SPACA6: variants seen among roughly 807,000 people sequenced by gnomAD.
The protein encoded by SPACA6 is sperm acrosome associated 6.
For synonymous variants in SPACA6, 6 were observed against 1.5 expected, an observed-to-expected ratio of 4.05 and a Z score of -2.21; for missense variants, 8 against 2.8, an observed-to-expected ratio of 2.88 and a Z score of -1.34.
chr19:51,705,438 T>C (rs2083511059), downstream of SPACA6: 1 of 252,718 alleles, frequency 4.0e-6, no homozygotes, highest in South Asian at 1.7e-4. Flanking sequence ...CCCCAAGGCT[T>C]TCCTCCTACC....
chr19:51,688,753 C>G (rs1158807343), upstream of SPACA6, among the ~76,000 whole-genome samples: 2 of 151,408 alleles, frequency 1.3e-5, no homozygotes, highest in African/African-American at 4.9e-5. Flanking sequence ...CAGATAATGC[C>G]CCACAGGCAG....
chr19:51,694,076 C>CGG (rs1555792508), intron 1 of SPACA6: 5 of 251,936 alleles, frequency 2.0e-5, no homozygotes, highest in African/African-American at 1.2e-4. Context: ...GATGGACACT[C>CGG]GGGAGGATGG....
intron 2 of SPACA6, among the ~76,000 whole-genome samples, chr19:51,696,226 G>T (rs747716220): frequency 6.6e-6 from 1 of 152,118 alleles, no homozygotes. Context: ...TCTGGAGGCC[G>T]GGAGAAGCTG....
chr19:51,708,581 CTT>C (rs1312412444), downstream of SPACA6, among the ~76,000 whole-genome samples: 1 of 152,112 alleles, frequency 6.6e-6, no homozygotes, highest in African/African-American at 2.4e-5. Flanking sequence ...AATCCCAACA[CTT>C]TGGGAGGCCG....
chr19:51,698,987 C>A lies in SPACA6; in HGVS notation c.293-2671C>A, dbSNP rs141109034. On this transcript the variant is annotated intron_variant, in intron 2 of 8. Coordinates refer to ENST00000637797, the MANE Select transcript of SPACA6 (RefSeq NM_001316972.2). ...CAGGCAGCAGGATGGATGAGGGGAACAATAAGATGGCACCACCTTCTCTGT... is the reference window on the plus strand; with the variant it reads ...CAGGCAGCAGGATGGATGAGGGGAAAAATAAGATGGCACCACCTTCTCTGT... Among the ~76,000 whole-genome samples, 48 of 152,248 alleles carry A rather than the reference C, an allele frequency of 3.2e-4. 1 individual carries two copies. The Middle Eastern group carries it at 0.027, about 86-fold the overall frequency.
downstream of SPACA6, among the ~76,000 whole-genome samples, chr19:51,712,723 A>T (rs1599788479): frequency 6.6e-6 from 1 of 152,146 alleles, no homozygotes; most frequent in South Asian, 2.1e-4. Flanking sequence ...CTCCAGCAGA[A>T]GTTTTCTTTT....
In SPACA6 at chr19:51,701,663, T is replaced by C. The variant is rs1417090337; in HGVS notation, c.298T>C (p.Phe100Leu). The part of the protein sequence containing the change: ...LQELAAAQGS[F>L]EVAFPDAAEK... ...TCCTCCCCTCCACTCTCCAGGATCCTTTGAGGTTGCCTTCCCTGATGCTGC... is the reference window on the plus strand; with the variant it reads ...TCCTCCCCTCCACTCTCCAGGATCCCTTGAGGTTGCCTTCCCTGATGCTGC... The change falls in exon 3 of 9, where the codon TTT (phenylalanine) becomes CTT (leucine). Residue 100 changes from phenylalanine (F) to leucine (L), a missense_variant. Phe to Leu is a conservative substitution (Grantham distance 22, BLOSUM62 0). Coordinates refer to ENST00000637797, the MANE Select transcript of SPACA6 (RefSeq NM_001316972.2). The C allele has an allele frequency of 2.5e-6, 1 of 398,898 alleles. No homozygotes were observed. The highest frequency in any genetic ancestry group is 3.6e-5 in the East Asian group (1 of 28,060). The allele number at this position is 398,898 out of a possible 1,614,324, so 24.7% of individuals were successfully genotyped here.
At chr19:51,704,882 CCCA>C (rs2083504860) in intron 8 of SPACA6, 1 of 384,176 alleles carries the variant, frequency 2.6e-6, no homozygotes, top group African/African-American at 2.1e-5. Flanking sequence ...AGTCCAGGCC[CCCA>C]GCCCCTCCTC....
upstream of SPACA6, among the ~76,000 whole-genome samples, chr19:51,691,044 C>T (rs2083367053): frequency 6.7e-6 from 1 of 149,342 alleles, no homozygotes; most frequent in Non-Finnish European, 1.5e-5. Context: ...CGTCTCCGGC[C>T]CCCGCCTCCC....
At chr19:51,685,657 A>T (rs2083324960), upstream of SPACA6, 1 of 152,168 alleles carries the variant, frequency 6.6e-6, no homozygotes, top group African/African-American at 2.4e-5. Flanking sequence ...GAGAAGAAGC[A>T]TGCATCACCA....
downstream of SPACA6, among the ~76,000 whole-genome samples, chr19:51,707,334 C>G (rs2083520932): frequency 6.6e-6 from 1 of 151,480 alleles, no homozygotes; most frequent in South Asian, 2.1e-4. Flanking sequence ...AATTCTCGTG[C>G]CTCAGTGTCC....
intron 2 of SPACA6, 120 bp from the exon 3 acceptor site, chr19:51,701,538 T>C (rs4239495): frequency 0.34 from 131,389 of 387,908 alleles, 23,081 homozygotes; most frequent in South Asian, 0.47. Context: ...ACCATGACAG[T>C]ACGTCCTGTG....
At chr19:51,713,063 A>G (rs769631508), downstream of SPACA6, 6 of 205,334 alleles carry the variant, frequency 2.9e-5, no homozygotes, top group South Asian at 1.8e-4. This position sits in a 1 kb window ranked among gnomAD's most constrained non-coding sequence, Gnocchi z 4.5. Flanking sequence ...AGCGTCCCCA[A>G]TTCTCAATCA....
At chr19:51,692,552 G>C (rs936608758), upstream of SPACA6, 2 of 489,138 alleles carry the variant, frequency 4.1e-6, no homozygotes, top group African/African-American at 4.1e-5. The surrounding 1 kb of genome is among the most constrained non-coding windows in gnomAD (Gnocchi z 5.6). Context: ...AAGGGGCTGA[G>C]GGCCTGGACT....
chr19:51,691,168 G>A (rs2083368486), upstream of SPACA6, among the ~76,000 whole-genome samples: 1 of 150,100 alleles, frequency 6.7e-6, no homozygotes. Context: ...GACCTGGCTC[G>A]AGCTGCGAGG....
chr19:51,696,685 G>A (rs1227212915), intron 2 of SPACA6, among the ~76,000 whole-genome samples: 2 of 152,136 alleles, frequency 1.3e-5, no homozygotes, highest in Admixed American at 6.5e-5. Context: ...CTGGGCTCAA[G>A]TGATCTTCCC....
chr19:51,698,001 C>G (rs1156257490), intron 2 of SPACA6, among the ~76,000 whole-genome samples: 2 of 152,116 alleles, frequency 1.3e-5, no homozygotes, highest in African/African-American at 4.8e-5. Context: ...TTAGTGACAC[C>G]ATCTCATACA....
intron 2 of SPACA6, among the ~76,000 whole-genome samples, chr19:51,699,511 G>A (rs181236226): frequency 4.6e-5 from 7 of 152,276 alleles, no homozygotes; most frequent in African/African-American, 9.6e-5. Context: ...ACAAAGTACC[G>A]TAGACTGGGT....
At chr19:51,707,748 G>A (rs1320925223), downstream of SPACA6, among the ~76,000 whole-genome samples, 14 of 152,310 alleles carry the variant, frequency 9.2e-5, no homozygotes, top group East Asian at 1.7e-3. Context: ...CAAGCCAGGG[G>A]CTCCTGCAAC....
Sources: gnomAD v4.1 joint callset for allele counts (sites outside exome capture counted in the v4.1 genomes callset) on GRCh38, gnomAD v4.1.1 for gene constraint, Gnocchi (gnomAD v3.1) non-coding constraint, MANE v1.5 for transcripts, NCBI Gene and HGNC (gene_info 2026-07-23, HGNC 2026-07-21) for gene names.